RBM47: variants seen among roughly 807,000 people sequenced by gnomAD.
RBM47 encodes RNA binding motif protein 47, also known as RNA-binding protein 47.
A neutral mutation model predicts 47.1 loss-of-function variants in RBM47; 21 were observed. The observed-to-expected ratio is 0.45, with a 90% CI of 0.32 to 0.64. The LOEUF is 0.64. Ranked by LOEUF, RBM47 falls within the 30% of genes least tolerant of loss-of-function variation. The pLI is 0.05. For synonymous variants in RBM47, 375 were observed against 361.7 expected, an observed-to-expected ratio of 1.04 and a Z score of -0.42; for missense variants, 708 against 870.9, an observed-to-expected ratio of 0.81 and a Z score of 2.35.
At chr4:40,485,951 GTCCCAAC>G (rs143813212) in intron 2 of RBM47, among the ~76,000 whole-genome samples, 2,442 of 150,506 alleles carry the variant, frequency 0.016, 57 homozygotes, top group African/African-American at 0.056. Flanking sequence ...TGCGCCTGTA[GTCCCAAC>G]TACTTGGGGG....
At chr4:40,550,577 C>T (rs1046510451) in intron 1 of RBM47, among the ~76,000 whole-genome samples, 5 of 152,128 alleles carry the variant, frequency 3.3e-5, no homozygotes, top group Non-Finnish European at 7.4e-5. Context: ...CAGCACCATG[C>T]CCGGCTAATT....
At chr4:40,533,462 G>GA (rs901483740) in intron 2 of RBM47, among the ~76,000 whole-genome samples, 3 of 150,692 alleles carry the variant, frequency 2.0e-5, no homozygotes, top group African/African-American at 4.9e-5. Context: ...AAGAAGAAGG[G>GA]AAAAAAAAGC....
chr4:40,603,226 C>G (rs1033806551), intron 1 of RBM47, among the ~76,000 whole-genome samples: 4 of 152,154 alleles, frequency 2.6e-5, no homozygotes, highest in Admixed American at 1.3e-4. Flanking sequence ...ACCCTGTTAG[C>G]TTCTTTCACT....
In RBM47 at chr4:40,424,113, A is replaced by G. The variant is rs1714721778; in HGVS notation, c.*1791T>C. 6.6e-6 allele frequency: 1 copy of G among 152,232 alleles called. No individual in the cohort carries two copies. The highest frequency in any genetic ancestry group is 1.5e-5 in the Non-Finnish European group (1 of 68,040). 9.4% of individuals were successfully genotyped at this position (152,232 alleles called of 1,614,324 possible). A position where few individuals can be genotyped will look rare whatever the true frequency, so the allele number is the denominator to read the frequency against. On this transcript the variant is annotated 3_prime_UTR_variant, in exon 7 of 7. Coordinates refer to ENST00000295971, the MANE Select transcript of RBM47 (RefSeq NM_001098634.2). ...TCATCTCATTTCAAGATGAGGGGGA[A>G]AAAGGCATTTGGGAATCTCTTAATT...
intron 2 of RBM47, among the ~76,000 whole-genome samples, chr4:40,518,742 GGAA>G (rs1725880709): frequency 6.6e-6 from 1 of 151,888 alleles, no homozygotes; most frequent in Non-Finnish European, 1.5e-5. Flanking sequence ...GGGTCACACT[GGAA>G]GAAGAATTGT....
intron 5 of RBM47, among the ~76,000 whole-genome samples, chr4:40,433,514 GA>G: frequency 6.6e-6 from 1 of 152,288 alleles, no homozygotes; most frequent in South Asian, 2.1e-4. Flanking sequence ...AAGGGCCTCT[GA>G]CTATGGGAAA....
rs561783467 is a variant in RBM47, at chr4:40,566,514, G to A, written c.-239-22008C>T. On this transcript the variant is annotated intron_variant, in intron 1 of 6. Coordinates refer to ENST00000295971, the MANE Select transcript of RBM47 (RefSeq NM_001098634.2). Reference sequence around the variant, plus strand: ...ACAAAAATTAGCCGGGTATGGTGGCGCGTGCCTGTAATCCCAGCTACTCAG... The same window carrying A: ...ACAAAAATTAGCCGGGTATGGTGGCACGTGCCTGTAATCCCAGCTACTCAG... 4.6e-5 allele frequency among the ~76,000 whole-genome samples: 7 copies of A among 151,950 alleles called. No individual in the cohort carries two copies. In the East Asian group the frequency reaches 5.8e-4, roughly 13 times the overall value.
rs1460566183 is a variant in RBM47, at chr4:40,608,249, G to C, written c.-240+21147C>G. ...CTCCCTGTTCAATATCACATGCCAT[G>C]TTATAGTACAGTGAGTTGGACACAA... On this transcript the variant is annotated intron_variant, in intron 1 of 6. Coordinates refer to ENST00000295971, the MANE Select transcript of RBM47 (RefSeq NM_001098634.2). 2.6e-5 allele frequency among the ~76,000 whole-genome samples: 4 copies of C among 152,136 alleles called. No individual in the cohort carries two copies. The East Asian group carries it at 7.7e-4, about 29-fold the overall frequency.
intron 1 of RBM47, among the ~76,000 whole-genome samples, chr4:40,607,740 T>C (rs1435042960): frequency 6.6e-6 from 1 of 151,758 alleles, no homozygotes. Flanking sequence ...GAAAATATTC[T>C]GGAATAGATC....
At chr4:40,577,093 G>A (rs77236363) in intron 1 of RBM47, among the ~76,000 whole-genome samples, 17,931 of 152,164 alleles carry the variant, frequency 0.12, 1,176 homozygotes, top group Admixed American at 0.17. Context: ...CAAGGAATGG[G>A]TGGCCTGAGG....
At chr4:40,568,937 C>A (rs560346065) in intron 1 of RBM47, among the ~76,000 whole-genome samples, 3 of 151,454 alleles carry the variant, frequency 2.0e-5, no homozygotes, top group African/African-American at 7.3e-5. Flanking sequence ...GCCGAGATTG[C>A]GCCATTGCAC....
intron 1 of RBM47, among the ~76,000 whole-genome samples, chr4:40,601,812 A>C (rs1735306272): frequency 6.6e-6 from 1 of 152,238 alleles, no homozygotes; most frequent in Non-Finnish European, 1.5e-5. Context: ...TGAAAAGAAC[A>C]GGCCTTAAAG....
rs144101896 is a variant in RBM47 at position 40,429,524 on chromosome 4, G to A, written c.1542+3127C>T. Among the ~76,000 whole-genome samples, 34 of 151,816 alleles carry A rather than the reference G, an allele frequency of 2.2e-4. No homozygotes were observed. The East Asian group carries it at 6.6e-3, about 29-fold the overall frequency. ...TGCATTAATACAGCATCATCAAAGA[G>A]CAGGAATAAAGAAAAATGCAATGAT... On this transcript the variant is annotated intron_variant, in intron 6 of 6. Coordinates refer to ENST00000295971, the MANE Select transcript of RBM47 (RefSeq NM_001098634.2).
chr4:40,570,368 T>A (rs1052808592), intron 1 of RBM47, among the ~76,000 whole-genome samples: 23 of 151,776 alleles, frequency 1.5e-4, no homozygotes, highest in African/African-American at 5.6e-4. Flanking sequence ...CAGTGACAGA[T>A]CATCAGGCAT....
At chr4:40,436,890 A>C in intron 4 of RBM47, 1 of 636,752 alleles carries the variant, frequency 1.6e-6, no homozygotes, top group Non-Finnish European at 2.9e-6. Context: ...TTGTATCTGC[A>C]ATTTCAGTAA....
At chr4:40,535,711 C>T (rs1448993273) in intron 2 of RBM47, among the ~76,000 whole-genome samples, 1 of 152,150 alleles carries the variant, frequency 6.6e-6, no homozygotes, top group Non-Finnish European at 1.5e-5. Flanking sequence ...CAGCGCCTGC[C>T]ACCACCCCCA....
intron 2 of RBM47, among the ~76,000 whole-genome samples, chr4:40,492,478 C>T (rs930587059): frequency 6.6e-6 from 1 of 152,330 alleles, no homozygotes; most frequent in South Asian, 2.1e-4. Flanking sequence ...ATTTCAAAGG[C>T]TCCCATGACA....
chr4:40,428,491 C>G (rs533319274), intron 6 of RBM47, among the ~76,000 whole-genome samples: 1 of 152,334 alleles, frequency 6.6e-6, no homozygotes, highest in East Asian at 1.9e-4. Context: ...GGGAGAGGAG[C>G]TCCAGAACTG....
chr4:40,601,898 G>C (rs1735313814), intron 1 of RBM47, among the ~76,000 whole-genome samples: 1 of 152,208 alleles, frequency 6.6e-6, no homozygotes, highest in South Asian at 2.1e-4. Context: ...GTCGGGCGTG[G>C]TGGCTCACGC....
Sources: gnomAD v4.1 joint callset for allele counts (sites outside exome capture counted in the v4.1 genomes callset) on GRCh38, gnomAD v4.1.1 for gene constraint, MANE v1.5 for transcripts, NCBI Gene and HGNC (gene_info 2026-07-23, HGNC 2026-07-21) for gene names.